PCBP3: variants seen among roughly 807,000 people sequenced by gnomAD.
PCBP3 encodes the protein poly(rC) binding protein 3.
A neutral mutation model predicts 52.7 loss-of-function variants in PCBP3; 25 were observed. The observed-to-expected ratio is 0.47, with a 90% CI of 0.35 to 0.66. The LOEUF (loss-of-function observed/expected upper bound fraction) is 0.66, where lower values mean the gene tolerates loss of function less well. PCBP3 is among the 30% of genes least tolerant of loss of function. The pLI, the probability that PCBP3 is intolerant of heterozygous loss-of-function variation, is 0.01. For missense variants in PCBP3, 391 were observed against 490.3 expected (o/e 0.80, Z 1.91); for synonymous variants, 162 against 183.0 (o/e 0.89, Z 0.93).
In PCBP3 at chr21:45,692,956, C is replaced by T. The variant is rs554351031; in HGVS notation, c.-200+24004C>T. Among the ~76,000 whole-genome samples the T allele has an allele frequency of 5.3e-5, 8 of 152,134 alleles. No individual in the cohort carries two copies. The South Asian group carries it at 1.7e-3, about 32-fold the overall frequency. The stretch of plus-strand genomic sequence containing the variant: ...CCAAATGAGGTTTATAGCAAGAACG[C>T]GAGGTTGGTTTACTCATTATTCAAT... On this transcript the variant is annotated intron_variant, in intron 2 of 17. Coordinates refer to ENST00000681687, the MANE Select transcript of PCBP3 (RefSeq NM_001384156.1).
intron 2 of PCBP3, among the ~76,000 whole-genome samples, chr21:45,710,172 C>T (rs868559033): frequency 6.6e-6 from 1 of 152,116 alleles, no homozygotes; most frequent in South Asian, 2.1e-4. Context: ...TAGTGTTATA[C>T]TTTAAGTTTT....
At chr21:45,872,638 C>T (rs1021397300) in intron 5 of PCBP3, 2 of 152,248 alleles carry the variant, frequency 1.3e-5, no homozygotes, top group Non-Finnish European at 2.9e-5. Flanking sequence ...CCCCGGAGCC[C>T]GCGTTGGGGC....
chr21:45,768,233 C>T (rs1221485034), intron 4 of PCBP3, among the ~76,000 whole-genome samples: 2 of 152,240 alleles, frequency 1.3e-5, no homozygotes, highest in Non-Finnish European at 2.9e-5. Flanking sequence ...TGGGCCTTTG[C>T]TGATGCTCCC....
intron 5 of PCBP3, among the ~76,000 whole-genome samples, chr21:45,864,880 G>A (rs577294135): frequency 2.0e-5 from 3 of 152,156 alleles, no homozygotes; most frequent in South Asian, 2.1e-4. Flanking sequence ...TAGTTGTATC[G>A]AATAGCAGTT....
chr21:45,771,365 G>C (rs1488190726), intron 4 of PCBP3, among the ~76,000 whole-genome samples: 1 of 152,218 alleles, frequency 6.6e-6, no homozygotes, highest in Non-Finnish European at 1.5e-5. Context: ...AAGACTTAGA[G>C]ATTTCGGTTG....
chr21:45,804,135 C>A (rs545662943), intron 4 of PCBP3, among the ~76,000 whole-genome samples: 4 of 152,298 alleles, frequency 2.6e-5, no homozygotes, highest in African/African-American at 9.6e-5. Context: ...CTCTCTGCTG[C>A]CCGCGTGGCT....
At chr21:45,864,893 A>T (rs2094649686) in intron 5 of PCBP3, among the ~76,000 whole-genome samples, 1 of 152,198 alleles carries the variant, frequency 6.6e-6, no homozygotes, top group South Asian at 2.1e-4. Context: ...TAGCAGTTGT[A>T]CCCTTGATAA....
chr21:45,803,487 C>A (rs2092383301), intron 4 of PCBP3, among the ~76,000 whole-genome samples: 1 of 152,158 alleles, frequency 6.6e-6, no homozygotes, highest in South Asian at 2.1e-4. Flanking sequence ...CAGGCCTCTC[C>A]ACCCAAGGAT....
In PCBP3 at chr21:45,805,709, C is replaced by T. The variant is rs1354456692; in HGVS notation, c.-125-44252C>T. ...TTGCTGCTGGCAGCTCATCCCTGCA[C>T]CTGAGCTTGCAGGCATGCTCCTGTC... On this transcript the variant is annotated intron_variant, in intron 4 of 17. Coordinates refer to ENST00000681687, the MANE Select transcript of PCBP3 (RefSeq NM_001384156.1). The surrounding 1 kb of genome is among the most constrained non-coding windows in gnomAD (Gnocchi z 4.6). 1.3e-5 allele frequency among the ~76,000 whole-genome samples: 2 copies of T among 152,200 alleles called. No homozygotes were observed. The highest frequency in any genetic ancestry group is 4.8e-5 in the African/African-American group (2 of 41,458).
At chr21:45,770,769 C>T (rs2089800515) in intron 4 of PCBP3, among the ~76,000 whole-genome samples, 1 of 152,208 alleles carries the variant, frequency 6.6e-6, no homozygotes, top group Admixed American at 6.5e-5. Flanking sequence ...TGAAAGGGGG[C>T]TTGGTGGCCT....
chr21:45,895,670 C>G (rs1488010053), intron 5 of PCBP3, among the ~76,000 whole-genome samples: 1 of 152,272 alleles, frequency 6.6e-6, no homozygotes, highest in Non-Finnish European at 1.5e-5. Context: ...CTGCCAAGGA[C>G]ACCAGCCGTT....
At chr21:45,721,431 A>C (rs945719427) in intron 2 of PCBP3, among the ~76,000 whole-genome samples, 2 of 134,450 alleles carry the variant, frequency 1.5e-5, no homozygotes, top group Non-Finnish European at 3.3e-5. Context: ...AAAAAAAAAA[A>C]CAACTCTTGG....
chr21:45,708,381 A>G (rs1388546456), intron 2 of PCBP3, among the ~76,000 whole-genome samples: 7 of 152,136 alleles, frequency 4.6e-5, no homozygotes, highest in African/African-American at 1.7e-4. Context: ...GAGTTCAGGG[A>G]TCCTGTGAAT....
chr21:45,739,822 T>C (rs1056564535), intron 3 of PCBP3, among the ~76,000 whole-genome samples: 1 of 152,192 alleles, frequency 6.6e-6, no homozygotes, highest in African/African-American at 2.4e-5. Context: ...CCACAGCACC[T>C]GGTGCTGCAT....
At chr21:45,808,265 T>A (rs1371388423) in intron 4 of PCBP3, among the ~76,000 whole-genome samples, 1 of 152,006 alleles carries the variant, frequency 6.6e-6, no homozygotes, top group East Asian at 1.9e-4. Context: ...GCAGCCTACA[T>A]AATGGGAGAA....
chr21:45,920,806 C>T (rs2074334322), intron 13 of PCBP3, among the ~76,000 whole-genome samples: 2 of 152,238 alleles, frequency 1.3e-5, no homozygotes, highest in African/African-American at 4.8e-5. Context: ...CCTTCCCATA[C>T]ACCAAACCAG....
chr21:45,893,613 G>T (rs1004503474), intron 5 of PCBP3, among the ~76,000 whole-genome samples: 9 of 151,554 alleles, frequency 5.9e-5, no homozygotes, highest in Admixed American at 6.6e-5. Flanking sequence ...CAGACGGGGG[G>T]TGGGGATGAG....
intron 3 of PCBP3, among the ~76,000 whole-genome samples, chr21:45,738,857 T>C (rs1347265764): frequency 9.0e-6 from 1 of 111,682 alleles, no homozygotes; most frequent in Non-Finnish European, 1.8e-5. Flanking sequence ...CTGTCCACGG[T>C]CCTCTGGGTA....
intron 4 of PCBP3, among the ~76,000 whole-genome samples, chr21:45,782,131 C>G (rs2090684724): frequency 6.6e-6 from 1 of 151,896 alleles, no homozygotes; most frequent in East Asian, 1.9e-4. Context: ...ATTTTTTAAC[C>G]ATGATGTTCA....
Sources: allele counts gnomAD v4.1 joint callset (sites outside exome capture counted in the v4.1 genomes callset), GRCh38; gene constraint gnomAD v4.1.1; non-coding constraint Gnocchi (gnomAD v3.1); transcripts MANE v1.5; gene names NCBI Gene and HGNC (gene_info 2026-07-23, HGNC 2026-07-21).